DCC: variants seen among roughly 807,000 people sequenced by gnomAD.
The protein encoded by DCC is DCC netrin 1 receptor.
A neutral mutation model predicts 172.5 loss-of-function variants in DCC; 58 were observed. That is an observed-to-expected ratio of 0.34 (90% CI 0.27 to 0.42). DCC has a LOEUF of 0.42. DCC is among the 10% of genes least tolerant of loss of function. The pLI is 1.00. For synonymous variants in DCC, 709 were observed against 644.5 expected (o/e 1.10, Z -1.52); for missense variants, 1,740 against 1,791.0 (o/e 0.97, Z 0.51).
intron 1 of DCC, among the ~76,000 whole-genome samples, chr18:52,361,765 G>A (rs148158339): frequency 6.6e-6 from 1 of 152,320 alleles, no homozygotes; most frequent in Non-Finnish European, 1.5e-5. Context: ...TATCATTCTA[G>A]TAATAGCATG....
intron 14 of DCC, among the ~76,000 whole-genome samples, chr18:53,332,833 A>T (rs2144851910): frequency 6.6e-6 from 1 of 152,228 alleles, no homozygotes; most frequent in Admixed American, 6.6e-5. Context: ...GTTGCTGCAT[A>T]TATATTTTTA....
Position 53,535,689 on chromosome 18 carries a change from T to C in DCC, c.*5036T>C, listed in dbSNP as rs934414441. On this transcript the variant is annotated 3_prime_UTR_variant, in exon 29 of 29. Transcript: ENST00000442544. ...ATTGTTAACCAAATTAGACTAGTGA[T>C]TGCAATATTTAAGTGTAAATCTTGT... 2 of 152,194 alleles carry C rather than the reference T, an allele frequency of 1.3e-5. No homozygotes were observed. The highest frequency in any genetic ancestry group is 2.9e-5 in the Non-Finnish European group (2 of 68,016). 9.4% of individuals were successfully genotyped at this position (152,194 alleles called of 1,614,324 possible).
chr18:52,821,853 T>G (rs72920118), intron 2 of DCC, among the ~76,000 whole-genome samples: 20,889 of 152,194 alleles, frequency 0.14, 2,733 homozygotes, highest in East Asian at 0.42. Context: ...TGGCATTGAC[T>G]AGGTGCTCAA....
At chr18:53,517,563 C>T (rs1239304987) in intron 27 of DCC, among the ~76,000 whole-genome samples, 1 of 151,982 alleles carries the variant, frequency 6.6e-6, no homozygotes, top group Non-Finnish European at 1.5e-5. Flanking sequence ...TACCTTAACC[C>T]TCTCGTCTCA....
chr18:52,940,064 G>A (rs1415404631), intron 5 of DCC, among the ~76,000 whole-genome samples: 1 of 152,184 alleles, frequency 6.6e-6, no homozygotes, highest in Non-Finnish European at 1.5e-5. Flanking sequence ...GTAGGGTTGG[G>A]TCCCAGGAAA....
At chr18:52,546,573 G>A (rs892807572) in intron 1 of DCC, among the ~76,000 whole-genome samples, 6 of 152,076 alleles carry the variant, frequency 3.9e-5, no homozygotes, top group South Asian at 2.1e-4. Flanking sequence ...TGGATAGAGC[G>A]TGGGAGGCAT....
intron 12 of DCC, among the ~76,000 whole-genome samples, chr18:53,281,767 T>TTA (rs1244213493): frequency 6.6e-6 from 1 of 151,268 alleles, no homozygotes; most frequent in East Asian, 1.9e-4. Context: ...GGGGGATTTT[T>TTA]TTTTTTTTTT....
At chr18:52,922,757 G>A (rs890065763) in intron 3 of DCC, among the ~76,000 whole-genome samples, 1 of 152,138 alleles carries the variant, frequency 6.6e-6, no homozygotes, top group African/African-American at 2.4e-5. Flanking sequence ...CCAAGGACTG[G>A]TTTTGGTGTG....
Position 52,340,645 on chromosome 18 carries a change from G to C in DCC, c.-143G>C. 1.3e-6 allele frequency: 1 copy of C among 764,648 alleles called. No individual in the cohort carries two copies. Among genetic ancestry groups the C allele is most frequent in the South Asian group, 1.4e-5 (1 of 73,208 alleles). 47.4% of individuals were successfully genotyped at this position (764,648 alleles called of 1,614,324 possible). A position where few individuals can be genotyped will look rare whatever the true frequency, so the allele number is the denominator to read the frequency against. On this transcript the variant is annotated 5_prime_UTR_variant, in exon 1 of 29. Coordinates refer to ENST00000442544, the MANE Select transcript of DCC (RefSeq NM_005215.4). ...CAGAGGCGCAGGGGAGGTGGAGAAA[G>C]AGGTGGAGGAAGAGGACGAGGAGGA... is the stretch of plus-strand genomic sequence containing the variant.
intron 1 of DCC, among the ~76,000 whole-genome samples, chr18:52,455,825 C>T (rs187487225): frequency 4.9e-4 from 74 of 152,196 alleles, no homozygotes; most frequent in African/African-American, 1.7e-3. Context: ...TGGTAAGCAT[C>T]CAATGAATGT....
chr18:52,870,864 C>G (rs542121502), intron 2 of DCC, among the ~76,000 whole-genome samples: 1 of 152,110 alleles, frequency 6.6e-6, no homozygotes, highest in Non-Finnish European at 1.5e-5. Context: ...AACTTTGTCT[C>G]CCATGTTGCA....
chr18:53,325,933 G>C (rs907024852), intron 14 of DCC, among the ~76,000 whole-genome samples: 1 of 152,194 alleles, frequency 6.6e-6, no homozygotes, highest in Non-Finnish European at 1.5e-5. Context: ...AGGGGGTTCT[G>C]ACAGCTAGGA....
At chr18:52,427,815 T>TCTTCCTTTCTTC (rs1987481106) in intron 1 of DCC, among the ~76,000 whole-genome samples, 2 of 113,098 alleles carry the variant, frequency 1.8e-5, no homozygotes, top group African/African-American at 8.2e-5. Context: ...TTTCTTCCTT[T>TCTTCCTTTCTTC]CTTCCTTCCT....
At chr18:52,758,587 G>A (rs1488967241) in intron 2 of DCC, among the ~76,000 whole-genome samples, 1 of 151,722 alleles carries the variant, frequency 6.6e-6, no homozygotes, top group African/African-American at 2.4e-5. Context: ...AATAATTAGT[G>A]AAAGCATATT....
chr18:52,924,432 A>G (rs575254873), intron 4 of DCC, among the ~76,000 whole-genome samples: 9 of 152,162 alleles, frequency 5.9e-5, no homozygotes, highest in South Asian at 4.1e-4. Flanking sequence ...TTTAGCTTCA[A>G]CTATATCGCT....
intron 6 of DCC, among the ~76,000 whole-genome samples, chr18:53,065,609 G>C (rs1257870583): frequency 6.6e-6 from 1 of 152,052 alleles, no homozygotes; most frequent in Non-Finnish European, 1.5e-5. Context: ...TTGATTTCTT[G>C]TCCTTTAGAA....
intron 5 of DCC, among the ~76,000 whole-genome samples, chr18:53,016,653 T>C (rs948516755): frequency 6.6e-6 from 1 of 152,154 alleles, no homozygotes; most frequent in African/African-American, 2.4e-5. Flanking sequence ...GTTTATTTAA[T>C]TTTATAATGG....
At chr18:52,394,575 C>T (rs1041695091) in intron 1 of DCC, among the ~76,000 whole-genome samples, 6 of 151,984 alleles carry the variant, frequency 3.9e-5, no homozygotes, top group African/African-American at 1.4e-4. Context: ...CCACACCTAG[C>T]CTCAGATTTG....
chr18:53,060,046 C>G (rs1037314464), intron 5 of DCC, among the ~76,000 whole-genome samples: 1 of 151,788 alleles, frequency 6.6e-6, no homozygotes, highest in Non-Finnish European at 1.5e-5. Flanking sequence ...CTCTGTCACC[C>G]AGGCTGGAGA....
Sources: allele counts gnomAD v4.1 joint callset (sites outside exome capture counted in the v4.1 genomes callset), GRCh38; gene constraint gnomAD v4.1.1; transcripts MANE v1.5; gene names NCBI Gene and HGNC (gene_info 2026-07-23, HGNC 2026-07-21).